The following SPAG1 variants were observed in gnomAD, a reference collection of about 807,000 sequenced individuals.
The protein encoded by SPAG1 is sperm-associated antigen 1.
SPAG1 carries 69 observed loss-of-function variants against 100.5 expected under a neutral mutation model. That is an observed-to-expected ratio of 0.69 (90% confidence interval 0.57 to 0.84). SPAG1 has a LOEUF of 0.84. Ranked by LOEUF, SPAG1 falls within the 40% of genes least tolerant of loss-of-function variation. SPAG1 has a pLI of 0.00. For synonymous variants in SPAG1, 336 were observed against 411.6 expected, an observed-to-expected ratio of 0.82 and a Z score of 2.22; for missense variants, 955 against 1,133.1, an observed-to-expected ratio of 0.84 and a Z score of 2.26.
chr8:100,199,868 G>A (rs1817192904), intron 10 of SPAG1, among the ~76,000 whole-genome samples: 1 of 151,458 alleles, frequency 6.6e-6, no homozygotes, highest in Non-Finnish European at 1.5e-5. Context: ...CCATTCTGTG[G>A]GCTATCTTTT....
At chr8:100,195,802 G>A (rs1335187151) in intron 10 of SPAG1, among the ~76,000 whole-genome samples, 1 of 151,900 alleles carries the variant, frequency 6.6e-6, no homozygotes, top group East Asian at 1.9e-4. Flanking sequence ...TGAATATACA[G>A]TTCTAATACA....
At chr8:100,183,278 T>A (rs1816445492) in intron 4 of SPAG1, 97 bp from the exon 5 acceptor site, 1 of 602,466 alleles carries the variant, frequency 1.7e-6, no homozygotes, top group Admixed American at 3.2e-5. Flanking sequence ...TGGCTTCCAT[T>A]TGTATATCTT....
chr8:100,177,840 G>C lies in SPAG1; in HGVS notation c.325G>C (p.Glu109Gln). The change falls in exon 4 of 19, where the codon GAA becomes CAA. Residue 109 changes from glutamate to glutamine, a missense_variant. By Grantham distance (29) the Glu-to-Gln change is conservative (BLOSUM62 2). Transcript: ENST00000388798. ...GAGTTGGGTATCAGAAATTAAAAAA[G>C]AAGAAGATAAAATGCACTTTCATGA... is the stretch of plus-strand genomic sequence containing the variant. ...IKSWVSEIKKEEDKMHFHETE... is the reference protein window; with the variant it reads ...IKSWVSEIKKQEDKMHFHETE... 6.5e-7 allele frequency: 1 copy of C among 1,548,388 alleles called. No homozygotes were observed. Among genetic ancestry groups the C allele is most frequent in the Non-Finnish European group, 8.9e-7 (1 of 1,121,232 alleles).
Position 100,171,582 on chromosome 8 carries a change from AT to A in SPAG1, c.300+5616del, listed in dbSNP as rs557658922. On this transcript the variant is annotated intron_variant, in intron 3 of 18. Transcript: ENST00000388798. ...TCTGTACGGCTTCCTCCTTTCTGATATTTTTTTCCCCCGAATCCTCACAGTC... is the reference window on the plus strand; with the variant it reads ...TCTGTACGGCTTCCTCCTTTCTGATATTTTTTCCCCCGAATCCTCACAGTC... 1.1e-4 allele frequency among the ~76,000 whole-genome samples: 16 copies of A among 151,988 alleles called. No individual in the cohort carries two copies. In the East Asian group the frequency reaches 1.7e-3, roughly 17 times the overall value.
intron 10 of SPAG1, among the ~76,000 whole-genome samples, chr8:100,209,344 A>G (rs1271374991): frequency 6.7e-6 from 1 of 148,150 alleles, no homozygotes; most frequent in African/African-American, 2.5e-5. Flanking sequence ...TAATCCTACT[A>G]ATATATATAT....
chr8:100,209,957 T>C (rs996392303), intron 10 of SPAG1, among the ~76,000 whole-genome samples: 1 of 152,120 alleles, frequency 6.6e-6, no homozygotes, highest in Admixed American at 6.5e-5. Context: ...GAGATACTTT[T>C]ACTTTCTTTC....
At chr8:100,202,461 A>G (rs1201906952) in intron 10 of SPAG1, among the ~76,000 whole-genome samples, 1 of 151,892 alleles carries the variant, frequency 6.6e-6, no homozygotes, top group Non-Finnish European at 1.5e-5. Context: ...CTGTAATCCC[A>G]GCACTTTGGG....
At chr8:100,158,763 G>GT (rs926857635) in intron 1 of SPAG1, 147 bp downstream of exon 1, 5 of 152,052 alleles carry the variant, frequency 3.3e-5, no homozygotes, top group Admixed American at 2.0e-4. Flanking sequence ...TGTATAACTT[G>GT]TTTTTTGGAA....
chr8:100,165,248 A>G (rs1287588620), intron 2 of SPAG1: 1 of 523,146 alleles, frequency 1.9e-6, no homozygotes, highest in African/African-American at 1.9e-5. Context: ...GACTCTAGGA[A>G]TAATTCGCAG....
At chr8:100,190,882 C>T (rs1342599140) in intron 8 of SPAG1, among the ~76,000 whole-genome samples, 2 of 151,790 alleles carry the variant, frequency 1.3e-5, no homozygotes, top group Non-Finnish European at 2.9e-5. Context: ...GTTGGCCAGG[C>T]TGGTCTTGAA....
intron 17 of SPAG1, 52 bp from the exon 18 acceptor site, chr8:100,240,351 A>G: frequency 2.0e-6 from 3 of 1,516,216 alleles, no homozygotes; most frequent in Non-Finnish European, 2.7e-6. Flanking sequence ...CTTAGGATGT[A>G]TGTGGTGATT....
chr8:100,174,513 C>A (rs1043491438), intron 3 of SPAG1, among the ~76,000 whole-genome samples: 4 of 152,098 alleles, frequency 2.6e-5, no homozygotes, highest in Admixed American at 1.3e-4. Flanking sequence ...AGAAATCAAT[C>A]ATAATTTCTG....
At chr8:100,176,863 T>G in intron 3 of SPAG1, among the ~76,000 whole-genome samples, 1 of 89,098 alleles carries the variant, frequency 1.1e-5, no homozygotes, top group South Asian at 4.3e-4. Context: ...CCCTCTCCCC[T>G]TCCCCATACC....
At chr8:100,194,593 T>C (rs2132291353) in intron 10 of SPAG1, 1 of 461,052 alleles carries the variant, frequency 2.2e-6, no homozygotes, top group South Asian at 5.6e-5. Flanking sequence ...TTGTTTTGTA[T>C]ATATCTACTT....
At chr8:100,233,955 C>T (rs1818890431) in intron 16 of SPAG1, among the ~76,000 whole-genome samples, 1 of 152,232 alleles carries the variant, frequency 6.6e-6, no homozygotes, top group African/African-American at 2.4e-5. Flanking sequence ...TTGGGAGAGA[C>T]ACATCGGAGA....
chr8:100,215,371 AAAG>A (rs906717348), intron 12 of SPAG1, among the ~76,000 whole-genome samples: 8 of 152,276 alleles, frequency 5.3e-5, no homozygotes, highest in African/African-American at 1.2e-4. Flanking sequence ...TACATCTAAA[AAAG>A]AAGAAGTCAT....
At position 100,241,372 on chromosome 8, in the gene SPAG1, T is replaced by G. The variant is rs1304221644; in HGVS notation, c.*350T>G. On this transcript the variant is annotated 3_prime_UTR_variant, in exon 19 of 19. Transcript: ENST00000388798. The surrounding 1 kb of genome is among the most constrained non-coding windows in gnomAD (Gnocchi z 5.1). ...CCTCTTAAGTTTGATAGAAATGAAT[T>G]TCTTGTAACATTCTTTTTTAAAAGT... is the stretch of plus-strand genomic sequence containing the variant. 2 of 158,104 alleles carry G rather than the reference T, an allele frequency of 1.3e-5. No homozygotes were observed. The highest frequency in any genetic ancestry group is 2.4e-5 in the African/African-American group (1 of 41,630). The allele number at this position is 158,104 out of a possible 1,614,324, so 9.8% of individuals were successfully genotyped here.
chr8:100,174,853 T>G (rs1369170012), intron 3 of SPAG1, among the ~76,000 whole-genome samples: 1 of 152,232 alleles, frequency 6.6e-6, no homozygotes, highest in Non-Finnish European at 1.5e-5. Flanking sequence ...TCCCAACTTT[T>G]TTTGGCATAT....
intron 6 of SPAG1, among the ~76,000 whole-genome samples, chr8:100,184,330 TC>T: frequency 6.6e-6 from 1 of 152,226 alleles, no homozygotes; most frequent in East Asian, 1.9e-4. Context: ...CTCTTTTTCC[TC>T]CAAATTCCTA....
Sources: gnomAD v4.1 joint callset for allele counts (sites outside exome capture counted in the v4.1 genomes callset) on GRCh38, gnomAD v4.1.1 for gene constraint, Gnocchi (gnomAD v3.1) non-coding constraint, MANE v1.5 for transcripts, NCBI Gene and HGNC (gene_info 2026-07-23, HGNC 2026-07-21) for gene names.